Variants in CCNY observed in about 807,000 individuals in gnomAD.
CCNY encodes cyclin Y.
A neutral mutation model predicts 42.8 loss-of-function variants in CCNY; 19 were observed. That is an observed-to-expected ratio of 0.44 (90% CI 0.31 to 0.65). The LOEUF (loss-of-function observed/expected upper bound fraction) is 0.65. Ranked by LOEUF, CCNY falls within the 30% of genes least tolerant of loss-of-function variation. The pLI is 0.07. For missense variants in CCNY, 370 were observed against 437.3 expected (o/e 0.85, Z 1.37); for synonymous variants, 165 against 162.7 (o/e 1.01, Z -0.11).
rs568451013 is a variant in CCNY, at chr10:35,425,729, G to GTACCTTGT, written c.155-57675_155-57674insTACCTTGT. ...GGGAGCACGAGTGTACCTTGTGGAG[G>GTACCTTGT]GAATGTAACCTTGCTATGGAGGACT... On this transcript the variant is annotated intron_variant, in intron 1 of 9. Transcript: ENST00000374704. Among the ~76,000 whole-genome samples the GTACCTTGT allele has an allele frequency of 2.6e-5, 4 of 152,240 alleles. No individual in the cohort carries two copies. The South Asian group carries it at 8.3e-4, about 32-fold the overall frequency.
At chr10:35,270,128 G>A (rs991538136) in intron 3 of CCNY, among the ~76,000 whole-genome samples, 16 of 152,072 alleles carry the variant, frequency 1.1e-4, no homozygotes, top group African/African-American at 3.4e-4. Context: ...TGAGACTGAA[G>A]CTTTCTCTAC....
upstream of CCNY, among the ~76,000 whole-genome samples, chr10:35,333,489 A>G (rs750019638): frequency 1.3e-5 from 2 of 152,190 alleles, no homozygotes; most frequent in Non-Finnish European, 2.9e-5. Context: ...AAAAAAGAGA[A>G]GGAGAGAAGT....
chr10:35,445,492 G>A (rs1385368578), intron 1 of CCNY, among the ~76,000 whole-genome samples: 1 of 152,232 alleles, frequency 6.6e-6, no homozygotes, highest in Admixed American at 6.5e-5. Context: ...GCCAGGAAGG[G>A]TGGAAGACTG....
intron 8 of CCNY, 66 bp from the exon 9 acceptor site, chr10:35,565,957 G>A (rs1841560957): frequency 6.6e-7 from 1 of 1,522,500 alleles, no homozygotes; most frequent in African/African-American, 1.4e-5. Flanking sequence ...CCAGCAACTT[G>A]CCTTGGCAGG....
intron 1 of CCNY, among the ~76,000 whole-genome samples, chr10:35,399,179 G>GT (rs1372229608): frequency 1.3e-5 from 2 of 152,204 alleles, no homozygotes; most frequent in Non-Finnish European, 2.9e-5. Context: ...GTGCTTGACG[G>GT]TAAGACAACT....
chr10:35,384,436 T>C (rs990097718), intron 1 of CCNY, among the ~76,000 whole-genome samples: 3 of 152,170 alleles, frequency 2.0e-5, no homozygotes, highest in Non-Finnish European at 4.4e-5. Context: ...AAGGTGAACA[T>C]AGAGTAGCCG....
At chr10:35,437,234 C>T (rs1182129033) in intron 1 of CCNY, among the ~76,000 whole-genome samples, 1 of 152,200 alleles carries the variant, frequency 6.6e-6, no homozygotes, top group Non-Finnish European at 1.5e-5. Context: ...CTTGACGGAA[C>T]TGGGTTTGCA....
Position 35,266,380 on chromosome 10 carries a change from G to A in CCNY, c.-9+15754G>A, listed in dbSNP as rs111278183. Among the ~76,000 whole-genome samples, 849 of 151,186 alleles carry A rather than the reference G, an allele frequency of 5.6e-3. 11 individuals carry two copies. The highest frequency in any genetic ancestry group is 0.02 in the African/African-American group (808 of 41,146). On this transcript the variant is annotated intron_variant, in intron 3 of 11. Coordinates refer to the CCNY transcript ENST00000374706. ...CTCCCAAAGTGCTGGAATTACAGGC[G>A]TGAGCCACCACCCCTGGCCCCAGAT...
At chr10:35,346,523 G>C (rs185306322) in intron 1 of CCNY, among the ~76,000 whole-genome samples, 2 of 152,360 alleles carry the variant, frequency 1.3e-5, no homozygotes, top group African/African-American at 4.8e-5. Flanking sequence ...GCCAACTCCA[G>C]ACTGCCACTT....
chr10:35,376,331 G>A (rs1387338260), intron 1 of CCNY, among the ~76,000 whole-genome samples: 1 of 152,182 alleles, frequency 6.6e-6, no homozygotes, highest in Non-Finnish European at 1.5e-5. Flanking sequence ...GAAGATAACT[G>A]AAAACATGTT....
At chr10:35,351,643 C>T (rs1836432111) in intron 1 of CCNY, among the ~76,000 whole-genome samples, 1 of 152,152 alleles carries the variant, frequency 6.6e-6, no homozygotes, top group African/African-American at 2.4e-5. Flanking sequence ...GGATATATTT[C>T]TGAAACAAGG....
chr10:35,393,247 A>G (rs1320492325), intron 1 of CCNY, among the ~76,000 whole-genome samples: 1 of 152,214 alleles, frequency 6.6e-6, no homozygotes, highest in East Asian at 1.9e-4. Context: ...CTATAAGTAT[A>G]TGATGAATTG....
intron 3 of CCNY, among the ~76,000 whole-genome samples, chr10:35,325,027 A>G (rs1380407712): frequency 6.6e-6 from 1 of 152,228 alleles, no homozygotes; most frequent in African/African-American, 2.4e-5. Context: ...AAAAATATAG[A>G]GAATTAGCTA....
At chr10:35,476,729 G>C (rs1354779128) in intron 1 of CCNY, among the ~76,000 whole-genome samples, 9 of 150,838 alleles carry the variant, frequency 6.0e-5, no homozygotes, top group Admixed American at 4.0e-4. Context: ...AAAAGAACTA[G>C]AAAAGCAAGA....
chr10:35,545,361 C>T (rs1250953564), intron 7 of CCNY, among the ~76,000 whole-genome samples: 1 of 152,186 alleles, frequency 6.6e-6, no homozygotes, highest in Non-Finnish European at 1.5e-5. Context: ...GTCCTGGAGG[C>T]CAGAAGTCCG....
chr10:35,288,549 A>C (rs925594764), intron 3 of CCNY, among the ~76,000 whole-genome samples: 12 of 152,096 alleles, frequency 7.9e-5, no homozygotes, highest in African/African-American at 2.9e-4. Flanking sequence ...GTGCCCTAAG[A>C]AATGTTTGCC....
At chr10:35,275,448 T>C (rs1451573949) in intron 3 of CCNY, among the ~76,000 whole-genome samples, 1 of 151,810 alleles carries the variant, frequency 6.6e-6, no homozygotes, top group African/African-American at 2.4e-5. Context: ...ACTTTGCAGG[T>C]GGGGATTTTG....
chr10:35,565,893 A>G (rs1456139441), intron 8 of CCNY, 130 bp from the exon 9 acceptor site: 4 of 896,154 alleles, frequency 4.5e-6, no homozygotes, highest in East Asian at 2.4e-5. Context: ...CTAACCAGAC[A>G]TTTACTTAGA....
At chr10:35,340,673 T>G (rs998749840) in intron 1 of CCNY, among the ~76,000 whole-genome samples, 1 of 152,034 alleles carries the variant, frequency 6.6e-6, no homozygotes, top group African/African-American at 2.4e-5. Flanking sequence ...CCTGGCTAAT[T>G]TTGTATTTTT....
Sources: gnomAD v4.1 joint callset for allele counts (sites outside exome capture counted in the v4.1 genomes callset) on GRCh38, gnomAD v4.1.1 for gene constraint, MANE v1.5 for transcripts, NCBI Gene and HGNC (gene_info 2026-07-23, HGNC 2026-07-21) for gene names.